The following PNISR variants were observed in gnomAD, a reference collection of about 807,000 sequenced individuals.
PNISR encodes the protein PNN interacting serine and arginine rich protein, also known as arginine/serine-rich protein PNISR.
Under a neutral mutation model 93.4 loss-of-function variants are expected in PNISR, and 20 were observed. The ratio of observed to expected loss-of-function variants is 0.21; its 90% confidence interval spans 0.15 to 0.31. PNISR has a LOEUF of 0.31. Among genes scored for constraint, PNISR ranks in the 10% least tolerant of loss-of-function variants. The probability of loss-of-function intolerance (pLI) is 1.00; values close to 1 mark genes in which losing one functional copy is unlikely to be tolerated. For missense variants in PNISR, 893 were observed against 985.4 expected, an observed-to-expected ratio of 0.91 and a Z score of 1.25; for synonymous variants, 305 against 306.5, an observed-to-expected ratio of 0.99 and a Z score of 0.05.
Position 99,412,534 on chromosome 6 carries a change from AAAC to A in PNISR, c.277+14_277+16del. 1 of 1,538,336 alleles carries A rather than the reference AAAC, an allele frequency of 6.5e-7. No homozygotes were observed. Among genetic ancestry groups the A allele is most frequent in the Non-Finnish European group, 8.8e-7 (1 of 1,137,420 alleles). ...TTTTTTAAAAGTCTTAAAATTGTGA[AAAC>A]ATAAACAACAAACCTGGTTGCCACA... On this transcript the variant is annotated intron_variant, in intron 4 of 11. Coordinates refer to ENST00000369239, the MANE Select transcript of PNISR (RefSeq NM_032870.4).
Position 99,399,428 on chromosome 6 carries a change from T to C in PNISR, c.*1112A>G, listed in dbSNP as rs898975655. ...CATAATACAGCATTCCTCCATTGAT[T>C]TGAGGTCATATTATACTTTAAAAAT... is the stretch of plus-strand genomic sequence containing the variant. On this transcript the variant is annotated 3_prime_UTR_variant, in exon 12 of 12. Transcript: ENST00000369239. 4.6e-5 allele frequency: 7 copies of C among 152,120 alleles called. No homozygotes were observed. The highest frequency in any genetic ancestry group is 1.4e-4 in the African/African-American group (6 of 41,446). The allele number at this position is 152,120 out of a possible 1,614,324, so 9.4% of individuals were successfully genotyped here.
intron 2 of PNISR, chr6:99,415,223 T>C (rs1203173219): frequency 1.3e-5 from 2 of 152,186 alleles, no homozygotes; most frequent in Non-Finnish European, 2.9e-5. Context: ...GTTGCCAAAA[T>C]ATCACCCCTA....
chr6:99,401,086 C>G lies in PNISR; in HGVS notation c.1872G>C (p.Arg624Ser). ...GACTGGCACGATTGGTTCGTCTATC[C>G]CTTGAGCGACTTCTACTTCTACGTC... ...RERRRSRSRSRDRRTNRASRS... is the reference protein window; with the variant it reads ...RERRRSRSRSSDRRTNRASRS... The change falls in exon 12 of 12, where the codon AGG becomes AGC. Residue 624 changes from arginine (R) to serine (S), a missense_variant. Coordinates refer to ENST00000369239, the MANE Select transcript of PNISR (RefSeq NM_032870.4). 6.2e-7 allele frequency: 1 copy of G among 1,613,714 alleles called. No individual in the cohort carries two copies. The highest frequency in any genetic ancestry group is 8.5e-7 in the Non-Finnish European group (1 of 1,179,984).
chr6:99,412,069 C>A (rs531807227), intron 4 of PNISR: 2 of 307,812 alleles, frequency 6.5e-6, no homozygotes, highest in Non-Finnish European at 1.3e-5. Context: ...CACACAAAAA[C>A]TTATGAAAGA....
intron 4 of PNISR, chr6:99,411,586 G>C (rs1442787247): frequency 1.3e-5 from 2 of 151,858 alleles, no homozygotes; most frequent in Non-Finnish European, 2.9e-5. Flanking sequence ...GAATATTTAT[G>C]TTTTTAAAAG....
At chr6:99,422,876 C>CAAAAAAAAAAAAAAAAAAAAAAAAA (rs58924048) in intron 1 of PNISR, among the ~76,000 whole-genome samples, 1 of 94,954 alleles carries the variant, frequency 1.1e-5, no homozygotes, top group Non-Finnish European at 1.9e-5. Context: ...CACTCTGTCT[C>CAAAAAAAAAAAAAAAAAAAAAAAAA]AAAAAAAAAA....
chr6:99,425,180 C>T (rs1422375806), intron 1 of PNISR, 35 bp downstream of exon 1: 3 of 1,213,802 alleles, frequency 2.5e-6, no homozygotes, highest in Non-Finnish European at 3.1e-6. Flanking sequence ...AATGGTCCGG[C>T]AAGTGCCCAC....
chr6:99,417,195 A>G (rs1377467237), intron 1 of PNISR, among the ~76,000 whole-genome samples: 1 of 152,240 alleles, frequency 6.6e-6, no homozygotes, highest in Non-Finnish European at 1.5e-5. Context: ...ACTGAAACTG[A>G]AAATGTGCAC....
intron 8 of PNISR, 101 bp from the exon 9 acceptor site, chr6:99,404,803 C>A: frequency 3.2e-6 from 2 of 620,634 alleles, no homozygotes; most frequent in South Asian, 1.9e-5. Context: ...TTTTTTCAGA[C>A]AGTCTCACTC....
In PNISR at chr6:99,404,632, G is replaced by C; in HGVS notation, c.1073C>G (p.Ala358Gly). 1 of 1,602,554 alleles carries C rather than the reference G, an allele frequency of 6.2e-7. No homozygotes were observed. Among genetic ancestry groups the C allele is most frequent in the Non-Finnish European group, 8.6e-7 (1 of 1,169,578 alleles). The change falls in exon 9 of 12, where the codon GCC (alanine) becomes GGC (glycine). Residue 358 changes from alanine (A) to glycine (G), a missense_variant. By Grantham distance (60) the Ala-to-Gly change is moderately conservative. This residue lies in a region of PNISR where 866 missense variants were observed against 935.1 expected (regional missense o/e 0.93). Transcript: ENST00000369239. ...CGTTGCTTTGCGGTGTGCATCTTTG[G>C]CTACGTAATAAATTTCTTCATCTGT... The part of the protein sequence containing the change: ...DVTDEEIYYV[A>G]KDAHRKATKA...
chr6:99,412,506 C>T, intron 4 of PNISR, 45 bp downstream of exon 4: 1 of 1,332,086 alleles, frequency 7.5e-7, no homozygotes, highest in Non-Finnish European at 1.1e-6. Context: ...AATCTTCATT[C>T]TGTTTTTTAA....
At chr6:99,412,375 G>A in intron 4 of PNISR, 176 bp downstream of exon 4, 2 of 698,384 alleles carry the variant, frequency 2.9e-6, no homozygotes, top group South Asian at 1.5e-5. Context: ...CTAGCAGAAT[G>A]AGTACAGAAT....
intron 11 of PNISR, among the ~76,000 whole-genome samples, chr6:99,401,868 TTC>T (rs1562227492): frequency 1.3e-5 from 2 of 152,056 alleles, no homozygotes; most frequent in Admixed American, 6.5e-5. Flanking sequence ...TTTAAAAAAA[TTC>T]TGTTCTCTTT....
intron 9 of PNISR, chr6:99,404,223 A>AT (rs35810420): frequency 0.14 from 51,199 of 370,786 alleles, 4,858 homozygotes; most frequent in Non-Finnish European, 0.18. Context: ...TCTGTAAGAG[A>AT]TAAGTGGTAA....
At chr6:99,416,458 A>T in intron 1 of PNISR, 30 bp from the exon 2 acceptor site, 1 of 713,334 alleles carries the variant, frequency 1.4e-6, no homozygotes, top group Non-Finnish European at 1.9e-6. Flanking sequence ...ATGTCTGCTT[A>T]TAGATTATCA....
In PNISR at chr6:99,401,345, G is replaced by T. The variant is rs1775472674; in HGVS notation, c.1613C>A (p.Ser538Tyr). ...SSTVSSSSYS[S>Y]SSGSSRTSSR... is the part of the protein sequence containing the mutation. ...AGAAGTACGACTACTACCTGAGCTA[G>T]AACTGTATGAAGAGCTAGAGACAGT... is the stretch of plus-strand genomic sequence containing the variant. Residue 538 changes from serine to tyrosine, a missense_variant, in exon 12 of 12, where the codon TCT becomes TAT. By Grantham distance (144) the Ser-to-Tyr change is moderately radical (BLOSUM62 -2). Around this residue, in one of 3 missense-constraint regions of PNISR, gnomAD observed 866 missense variants for 935.1 expected, o/e 0.93. Transcript: ENST00000369239. 3.1e-6 allele frequency: 5 copies of T among 1,613,966 alleles called. No individual in the cohort carries two copies. The highest frequency in any genetic ancestry group is 3.4e-6 in the Non-Finnish European group (4 of 1,179,904).
Position 99,416,981 on chromosome 6 carries a change from CTAAA to C in PNISR, c.-111-557_-111-554del, listed in dbSNP as rs570569930. Among the ~76,000 whole-genome samples the C allele has an allele frequency of 9.2e-5, 14 of 152,270 alleles. No individual in the cohort carries two copies. In the East Asian group the frequency reaches 1.3e-3, roughly 15 times the overall value. On this transcript the variant is annotated intron_variant, in intron 1 of 11. Transcript: ENST00000369239. The stretch of plus-strand genomic sequence containing the variant: ...GAAAGCATCTTGCACATAGCAGACA[CTAAA>C]TAAATAATCAGTGTCTAGCTATTAC...
chr6:99,406,418 A>G (rs1304065466), intron 7 of PNISR, among the ~76,000 whole-genome samples: 1 of 152,216 alleles, frequency 6.6e-6, no homozygotes, highest in African/African-American at 2.4e-5. Context: ...TCCCTTAGTC[A>G]ATTTTAACCT....
chr6:99,417,824 C>T lies in PNISR; in HGVS notation c.-111-1396G>A, dbSNP rs369589144. ...TCTACTAAAAAATACAAAAATTAGC[C>T]GGGCGTGGCGGCGGGCTCCTGTAAT... is the stretch of plus-strand genomic sequence containing the variant. On this transcript the variant is annotated intron_variant, in intron 1 of 11. Transcript: ENST00000369239. 5.3e-4 allele frequency among the ~76,000 whole-genome samples: 80 copies of T among 151,910 alleles called. 1 individual carries two copies. The highest frequency in any genetic ancestry group is 1.9e-3 in the African/African-American group (77 of 41,456).
Sources: allele counts gnomAD v4.1 joint callset (sites outside exome capture counted in the v4.1 genomes callset), GRCh38; gene constraint gnomAD v4.1.1; regional missense constraint gnomAD v4.1.1; transcripts MANE v1.5; gene names NCBI Gene and HGNC (gene_info 2026-07-23, HGNC 2026-07-21).